CACNA2D1: variants seen among roughly 807,000 people sequenced by gnomAD.
CACNA2D1 encodes the protein voltage-dependent calcium channel subunit alpha-2/delta-1.
In CACNA2D1, 53 loss-of-function variants were observed where a neutral mutation model predicts 171.5. The ratio of observed to expected loss-of-function variants is 0.31; its 90% CI spans 0.25 to 0.39. The LOEUF is 0.39. CACNA2D1 is among the 10% of genes least tolerant of loss of function. The pLI is 1.00. For missense variants in CACNA2D1, 903 were observed against 1,299.8 expected (o/e 0.69, Z 4.69); for synonymous variants, 442 against 443.1 (o/e 1.00, Z 0.03).
At chr7:82,375,285 G>A (rs527327464) in intron 1 of CACNA2D1, among the ~76,000 whole-genome samples, 2 of 152,236 alleles carry the variant, frequency 1.3e-5, no homozygotes, top group South Asian at 4.2e-4. Flanking sequence ...AGTGGAGAAT[G>A]CAGTCACTGG....
intron 15 of CACNA2D1, among the ~76,000 whole-genome samples, chr7:82,009,700 T>C (rs1799538190): frequency 6.6e-6 from 1 of 152,084 alleles, no homozygotes; most frequent in African/African-American, 2.4e-5. Context: ...TACTAACATA[T>C]TAAAGATAAT....
At chr7:82,135,847 A>AC (rs1481827124) in intron 5 of CACNA2D1, among the ~76,000 whole-genome samples, 2 of 152,162 alleles carry the variant, frequency 1.3e-5, no homozygotes, top group African/African-American at 2.4e-5. Flanking sequence ...TTACTGAAAT[A>AC]CCCCAAGCTC....
intron 1 of CACNA2D1, among the ~76,000 whole-genome samples, chr7:82,361,263 C>A (rs1266866030): frequency 1.3e-5 from 2 of 152,138 alleles, no homozygotes; most frequent in South Asian, 2.1e-4. Context: ...TAAATGAAAA[C>A]CTAAACTACG....
intron 3 of CACNA2D1, among the ~76,000 whole-genome samples, chr7:82,282,468 T>C (rs904863772): frequency 5.3e-5 from 8 of 152,124 alleles, no homozygotes; most frequent in Non-Finnish European, 1.2e-4. Flanking sequence ...TGCATCCTGA[T>C]CCATGGGTTG....
chr7:81,988,861 G>A (rs900477192), intron 21 of CACNA2D1, among the ~76,000 whole-genome samples: 6 of 152,294 alleles, frequency 3.9e-5, no homozygotes, highest in Middle Eastern at 3.4e-3. Flanking sequence ...ACTTACTAGT[G>A]AGAGAACAGA....
At chr7:82,056,575 AAAAGCTCCTCC>A (rs1276225937) in intron 10 of CACNA2D1, among the ~76,000 whole-genome samples, 2 of 152,126 alleles carry the variant, frequency 1.3e-5, no homozygotes, top group Non-Finnish European at 2.9e-5. Context: ...ACATGGGCCT[AAAAGCTCCTCC>A]AGTTTGATGC....
chr7:82,235,891 C>G (rs192601484), intron 3 of CACNA2D1, among the ~76,000 whole-genome samples: 132 of 152,188 alleles, frequency 8.7e-4, no homozygotes, highest in Admixed American at 1.5e-3. Flanking sequence ...TGTCTCTGTA[C>G]TAAGGAAATG....
intron 12 of CACNA2D1, chr7:82,029,620 A>G (rs1054064246): frequency 6.6e-6 from 1 of 151,836 alleles, no homozygotes; most frequent in Non-Finnish European, 1.5e-5. Context: ...GCTTTTGCTC[A>G]TATCACTTTA....
At chr7:82,350,244 C>T (rs1819698356) in intron 1 of CACNA2D1, among the ~76,000 whole-genome samples, 1 of 152,146 alleles carries the variant, frequency 6.6e-6, no homozygotes, top group South Asian at 2.1e-4. Flanking sequence ...ACTTAATATT[C>T]CATTATCTCT....
chr7:82,210,472 C>CA (rs1800441891), intron 3 of CACNA2D1, among the ~76,000 whole-genome samples: 1 of 152,070 alleles, frequency 6.6e-6, no homozygotes, highest in Non-Finnish European at 1.5e-5. Context: ...AATTGTTAAC[C>CA]TTGATCTGTG....
chr7:82,105,398 CTTTTTTTTTTTTT>C (rs572031121), intron 6 of CACNA2D1, among the ~76,000 whole-genome samples: 2 of 99,486 alleles, frequency 2.0e-5, no homozygotes, highest in African/African-American at 7.7e-5. Context: ...CAGTTTTTGT[CTTTTTTTTTTTTT>C]TTTTTTTTTT....
chr7:82,344,032 ACT>A (rs1818976447), intron 2 of CACNA2D1, among the ~76,000 whole-genome samples: 1 of 152,184 alleles, frequency 6.6e-6, no homozygotes, highest in African/African-American at 2.4e-5. Flanking sequence ...AATTTCATAC[ACT>A]CAGATTCTTC....
chr7:82,378,595 T>A (rs1823294396), intron 1 of CACNA2D1, among the ~76,000 whole-genome samples: 1 of 152,202 alleles, frequency 6.6e-6, no homozygotes, highest in Non-Finnish European at 1.5e-5. Context: ...TACAGCTATC[T>A]CTACATTTCT....
intron 12 of CACNA2D1, among the ~76,000 whole-genome samples, chr7:82,025,224 C>G (rs1801734087): frequency 6.6e-6 from 1 of 151,554 alleles, no homozygotes; most frequent in African/African-American, 2.4e-5. Context: ...AACTGTAGAT[C>G]ACTTTGGGTA....
At chr7:82,073,592 T>G (rs1030552474) in intron 7 of CACNA2D1, among the ~76,000 whole-genome samples, 1 of 151,864 alleles carries the variant, frequency 6.6e-6, no homozygotes, top group Non-Finnish European at 1.5e-5. Flanking sequence ...ATGTTGGTAT[T>G]TTATTTATTT....
intron 5 of CACNA2D1, among the ~76,000 whole-genome samples, chr7:82,127,447 G>A (rs1229609222): frequency 6.6e-6 from 1 of 152,108 alleles, no homozygotes; most frequent in African/African-American, 2.4e-5. Context: ...ATGAAAATAT[G>A]GGTATACAAA....
chr7:81,959,605 C>G, intron 37 of CACNA2D1, 115 bp downstream of exon 37: 1 of 1,159,154 alleles, frequency 8.6e-7, no homozygotes, highest in Non-Finnish European at 1.2e-6. Flanking sequence ...TCTGCCTTTG[C>G]GAGGTGATCA....
At chr7:82,315,052 C>T (rs988005329) in intron 3 of CACNA2D1, among the ~76,000 whole-genome samples, 1 of 144,674 alleles carries the variant, frequency 6.9e-6, no homozygotes, top group African/African-American at 2.6e-5. Flanking sequence ...AGGAGAATTG[C>T]TTGAAACCTG....
intron 4 of CACNA2D1, among the ~76,000 whole-genome samples, chr7:82,147,238 T>C (rs1793251296): frequency 6.6e-6 from 1 of 152,172 alleles, no homozygotes; most frequent in Admixed American, 6.5e-5. Flanking sequence ...TCAATTCTTA[T>C]TAAACATTAA....
Sources: gnomAD v4.1 joint callset for allele counts (sites outside exome capture counted in the v4.1 genomes callset) on GRCh38, gnomAD v4.1.1 for gene constraint, MANE v1.5 for transcripts, NCBI Gene and HGNC (gene_info 2026-07-23, HGNC 2026-07-21) for gene names.